AFG1L: variants seen among roughly 807,000 people sequenced by gnomAD.
AFG1L encodes AFG1-like ATPase.
A neutral mutation model predicts 62.2 loss-of-function variants in AFG1L; 53 were observed. The ratio of observed to expected loss-of-function variants is 0.85; its 90% CI spans 0.68 to 1.07. The LOEUF is 1.07. Ranked by LOEUF, AFG1L falls within the 50% of genes least tolerant of loss-of-function variation. The probability of loss-of-function intolerance (pLI) is 0.00; values close to 1 mark genes in which losing one functional copy is unlikely to be tolerated. For missense variants in AFG1L, 555 were observed against 590.5 expected (o/e 0.94, Z 0.62); for synonymous variants, 228 against 210.3 (o/e 1.08, Z -0.73).
intron 10 of AFG1L, among the ~76,000 whole-genome samples, chr6:108,493,702 T>A (rs1258035078): frequency 2.6e-5 from 4 of 152,220 alleles, no homozygotes; most frequent in African/African-American, 7.2e-5. Flanking sequence ...TACAACCCAT[T>A]CCACTAATTT....
chr6:108,463,916 G>A (rs1395510525), intron 8 of AFG1L, among the ~76,000 whole-genome samples: 1 of 152,146 alleles, frequency 6.6e-6, no homozygotes, highest in East Asian at 1.9e-4. Context: ...GATTATGTTT[G>A]GTATAAGGAC....
chr6:108,357,277 C>T (rs1211129100), intron 5 of AFG1L, among the ~76,000 whole-genome samples: 1 of 152,154 alleles, frequency 6.6e-6, no homozygotes, highest in African/African-American at 2.4e-5. Flanking sequence ...GATTAGGTCT[C>T]ATTATGTTTC....
chr6:108,418,044 G>T (rs1010147453), intron 7 of AFG1L, among the ~76,000 whole-genome samples: 1 of 152,070 alleles, frequency 6.6e-6, no homozygotes, highest in African/African-American at 2.4e-5. Context: ...ATGTTAGCCA[G>T]GATGGTCTCA....
chr6:108,450,551 T>C (rs9480857), intron 8 of AFG1L, among the ~76,000 whole-genome samples: 3,441 of 152,298 alleles, frequency 0.023, 123 homozygotes, highest in African/African-American at 0.076. Context: ...CTATAGGTTG[T>C]CTATTCACTC....
intron 2 of AFG1L, among the ~76,000 whole-genome samples, chr6:108,335,913 C>T (rs1003259995): frequency 2.0e-5 from 3 of 152,154 alleles, no homozygotes; most frequent in South Asian, 2.1e-4. Flanking sequence ...ATTTCTTACA[C>T]TAGTAGTTTT....
At chr6:108,468,597 A>G (rs1772762946) in intron 8 of AFG1L, among the ~76,000 whole-genome samples, 1 of 152,066 alleles carries the variant, frequency 6.6e-6, no homozygotes, top group Non-Finnish European at 1.5e-5. Flanking sequence ...TTAGAAAGTC[A>G]TGTCCTGCAG....
intron 1 of AFG1L, among the ~76,000 whole-genome samples, chr6:108,323,387 C>T (rs1185594084): frequency 2.6e-5 from 4 of 151,294 alleles, no homozygotes; most frequent in South Asian, 2.1e-4. Flanking sequence ...TTTTTGAGAC[C>T]GAGTGTCACT....
chr6:108,458,945 CT>C (rs1772353267), intron 8 of AFG1L, among the ~76,000 whole-genome samples: 1 of 152,090 alleles, frequency 6.6e-6, no homozygotes, highest in African/African-American at 2.4e-5. Flanking sequence ...TGAGGCTAGG[CT>C]TTGTAAAGCA....
chr6:108,465,649 T>C (rs1029816610), intron 8 of AFG1L, among the ~76,000 whole-genome samples: 4 of 115,708 alleles, frequency 3.5e-5, no homozygotes, highest in Non-Finnish European at 6.8e-5. Flanking sequence ...CCTAGAGTCA[T>C]AGAGTCACTG....
chr6:108,402,860 G>T (rs1006340175), intron 7 of AFG1L, among the ~76,000 whole-genome samples: 1 of 151,936 alleles, frequency 6.6e-6, no homozygotes, highest in Non-Finnish European at 1.5e-5. Flanking sequence ...AAATGTGATT[G>T]CCATCAAGTT....
chr6:108,330,269 G>A (rs370918086), intron 2 of AFG1L, among the ~76,000 whole-genome samples: 23 of 147,126 alleles, frequency 1.6e-4, no homozygotes, highest in African/African-American at 5.0e-4. Context: ...AGCCTCCCCC[G>A]GGTTCAAGCG....
chr6:108,359,708 T>C (rs559199734), intron 5 of AFG1L: 38 of 152,334 alleles, frequency 2.5e-4, no homozygotes, highest in African/African-American at 8.7e-4. Context: ...AGACCCTCTC[T>C]ATTGAATTTC....
chr6:108,443,062 G>A (rs949778286), intron 7 of AFG1L, among the ~76,000 whole-genome samples: 18 of 152,144 alleles, frequency 1.2e-4, no homozygotes, highest in African/African-American at 4.1e-4. Context: ...ATCTCTTGCT[G>A]CATAACAAAT....
chr6:108,385,638 G>A (rs9320263), intron 6 of AFG1L, among the ~76,000 whole-genome samples: 53,055 of 152,016 alleles, frequency 0.35, 9,763 homozygotes, highest in Non-Finnish European at 0.42. Flanking sequence ...ATTTCTGTAC[G>A]TGTGTCTTTA....
At chr6:108,513,477 G>A (rs1269037659) in intron 11 of AFG1L, among the ~76,000 whole-genome samples, 2 of 152,204 alleles carry the variant, frequency 1.3e-5, no homozygotes, top group Non-Finnish European at 2.9e-5. Context: ...TCCCGCGCAT[G>A]GCTTGGAGGG....
At chr6:108,452,007 C>T (rs1214226709) in intron 8 of AFG1L, among the ~76,000 whole-genome samples, 3 of 152,188 alleles carry the variant, frequency 2.0e-5, no homozygotes, top group Non-Finnish European at 4.4e-5. Context: ...TGAGCCACCA[C>T]GCCCGGCCAG....
intron 10 of AFG1L, among the ~76,000 whole-genome samples, chr6:108,487,850 T>C (rs1773630127): frequency 6.6e-6 from 1 of 152,180 alleles, no homozygotes; most frequent in Non-Finnish European, 1.5e-5. Flanking sequence ...GAAATAAAGA[T>C]GAAACAGATC....
intron 10 of AFG1L, among the ~76,000 whole-genome samples, chr6:108,503,788 A>G (rs1378404582): frequency 6.6e-6 from 1 of 152,256 alleles, no homozygotes. Context: ...ATTCATCTGC[A>G]TTGAAAATCT....
chr6:108,407,613 A>T (rs1367999391), intron 7 of AFG1L, among the ~76,000 whole-genome samples: 1 of 151,734 alleles, frequency 6.6e-6, no homozygotes, highest in Non-Finnish European at 1.5e-5. Flanking sequence ...CAAGGCCAGG[A>T]GGTAGAGGCT....
Sources: gnomAD v4.1 joint callset for allele counts (sites outside exome capture counted in the v4.1 genomes callset) on GRCh38, gnomAD v4.1.1 for gene constraint, MANE v1.5 for transcripts, NCBI Gene and HGNC (gene_info 2026-07-23, HGNC 2026-07-21) for gene names.